Variants in AKAP13 observed in about 807,000 individuals in gnomAD.
AKAP13 encodes the protein A-kinase anchoring protein 13.
In AKAP13, 80 loss-of-function variants were observed where a neutral mutation model predicts 264.5. The ratio of observed to expected loss-of-function variants is 0.30; its 90% CI spans 0.25 to 0.36. The LOEUF (loss-of-function observed/expected upper bound fraction) is 0.36, where lower values mean the gene tolerates loss of function less well. AKAP13 is among the 10% of genes least tolerant of loss of function. AKAP13 has a pLI of 1.00. For synonymous variants in AKAP13, 1,380 were observed against 1,250.2 expected (o/e 1.10, Z -2.19); for missense variants, 3,712 against 3,435.2 (o/e 1.08, Z -2.01).
chr15:85,695,495 A>C (rs2085517414), intron 17 of AKAP13, among the ~76,000 whole-genome samples: 1 of 152,204 alleles, frequency 6.6e-6, no homozygotes, highest in East Asian at 1.9e-4. Context: ...GAAGAGGAGG[A>C]GTGGAGTTAC....
intron 1 of AKAP13, among the ~76,000 whole-genome samples, chr15:85,436,684 C>T (rs949458204): frequency 6.7e-6 from 1 of 148,282 alleles, no homozygotes; most frequent in African/African-American, 2.5e-5. Flanking sequence ...CGCTCAACTA[C>T]ATGGAAACTG....
chr15:85,684,605 T>C, intron 15 of AKAP13, 136 bp from the exon 16 acceptor site: 3 of 906,522 alleles, frequency 3.3e-6, no homozygotes, highest in East Asian at 2.7e-5. Context: ...AGCCAAGTTT[T>C]GATAACAGAA....
chr15:85,744,063 T>C (rs1413050916), intron 36 of AKAP13: 3 of 529,252 alleles, frequency 5.7e-6, no homozygotes, highest in Non-Finnish European at 9.9e-6. Context: ...TTCAAGGCAT[T>C]ATCCGATCGA....
intron 8 of AKAP13, among the ~76,000 whole-genome samples, chr15:85,595,732 T>C (rs2079794298): frequency 6.6e-6 from 1 of 152,194 alleles, no homozygotes; most frequent in Non-Finnish European, 1.5e-5. Flanking sequence ...ACTTTCACAA[T>C]ACGCTCAGCC....
At position 85,746,676 on chromosome 15, in the gene AKAP13, CT is replaced by C. The variant is rs1403961382; in HGVS notation, c.*2002del. 4 of 152,170 alleles carry C rather than the reference CT, an allele frequency of 2.6e-5. No homozygotes were observed. Among genetic ancestry groups the C allele is most frequent in the Non-Finnish European group, 5.9e-5 (4 of 68,036 alleles). 9.4% of individuals were successfully genotyped at this position (152,170 alleles called of 1,614,324 possible). A position where few individuals can be genotyped will look rare whatever the true frequency, so the allele number is the denominator to read the frequency against. ...CCTAAACAAAAAGTTAAGTTTCTTT[CT>C]TTCACCTATTTGTACAACTCCAAGT... On this transcript the variant is annotated 3_prime_UTR_variant, in exon 37 of 37. Transcript: ENST00000394518.
At position 85,582,656 on chromosome 15, in the gene AKAP13, TTG is replaced by T. The variant is rs374003681; in HGVS notation, c.4039+551_4039+552del. Among the ~76,000 whole-genome samples the T allele has an allele frequency of 7.9e-3, 1,179 of 149,948 alleles. 13 individuals are homozygous for T. Among genetic ancestry groups the T allele is most frequent in the African/African-American group, 0.027 (1,094 of 41,018 alleles). On this transcript the variant is annotated intron_variant, in intron 7 of 36. Coordinates refer to ENST00000394518, the MANE Select transcript of AKAP13 (RefSeq NM_007200.5). The stretch of plus-strand genomic sequence containing the variant: ...GTGGTATTAGGTCATTGGTGGTTTT[TTG>T]TTTGTTTGTTTTTGTTTTTTTTGGG...
At position 85,682,193 on chromosome 15, in the gene AKAP13, A is replaced by G; in HGVS notation, c.5137A>G (p.Ser1713Gly). Residue 1713 changes from serine (S) to glycine (G), a missense_variant, in exon 15 of 37, where the codon AGT becomes GGT. By Grantham distance (56) the Ser-to-Gly change is moderately conservative (BLOSUM62 0). Coordinates refer to ENST00000394518, the MANE Select transcript of AKAP13 (RefSeq NM_007200.5). ...CTTCCACAGTACCTTCCACAATACC[A>G]GTGCTAATCTGACTGAGAGGTACTA... ...RPFHSTFHNT[S>G]ANLTESITEE... 6.2e-7 allele frequency: 1 copy of G among 1,613,494 alleles called. No individual in the cohort carries two copies. Among genetic ancestry groups the G allele is most frequent in the Non-Finnish European group, 8.5e-7 (1 of 1,179,924 alleles).
intron 1 of AKAP13, among the ~76,000 whole-genome samples, chr15:85,427,483 C>T (rs761395012): frequency 6.6e-6 from 1 of 151,948 alleles, no homozygotes; most frequent in Admixed American, 6.5e-5. Flanking sequence ...GCAAGTCTAT[C>T]GACTCCTCTA....
In AKAP13 at chr15:85,436,805, C is replaced by T. The variant is rs973505772; in HGVS notation, c.-11-48905C>T. ...ACACAACATACCAGAATCTCTGGGA[C>T]GCATTCAAAGCAGTGTGTAGAGGGA... is the stretch of plus-strand genomic sequence containing the variant. On this transcript the variant is annotated intron_variant, in intron 1 of 36. Transcript: ENST00000394518. Among the ~76,000 whole-genome samples the T allele has an allele frequency of 2.6e-3, 397 of 151,952 alleles. 3 individuals are homozygous for T. Among genetic ancestry groups the T allele is most frequent in the South Asian group, 0.016 (76 of 4,780 alleles).
intron 17 of AKAP13, among the ~76,000 whole-genome samples, chr15:85,698,269 A>G (rs2085678355): frequency 1.3e-5 from 2 of 151,550 alleles, no homozygotes; most frequent in South Asian, 4.2e-4. Flanking sequence ...GGAGTTGGAA[A>G]CCAGCTGGCC....
In AKAP13 at chr15:85,724,814, C is replaced by T. The variant is rs1170014271; in HGVS notation, c.6745+1494C>T. Among the ~76,000 whole-genome samples the T allele has an allele frequency of 6.6e-6, 1 of 151,878 alleles. No homozygotes were observed. Among genetic ancestry groups the T allele is most frequent in the African/African-American group, 2.4e-5 (1 of 41,326 alleles). On this transcript the variant is annotated intron_variant, in intron 26 of 36. Coordinates refer to ENST00000394518, the MANE Select transcript of AKAP13 (RefSeq NM_007200.5). This position sits in a 1 kb window ranked among gnomAD's most constrained non-coding sequence, Gnocchi z 4.2. ...TTGGGGAAGAGCTCATCTGGGCCTGCATTGTAGCAGAAGGCATAAAAAAGA... is the reference window on the plus strand; with the variant it reads ...TTGGGGAAGAGCTCATCTGGGCCTGTATTGTAGCAGAAGGCATAAAAAAGA...
chr15:85,429,703 T>C (rs944773324), intron 1 of AKAP13, among the ~76,000 whole-genome samples: 1 of 152,148 alleles, frequency 6.6e-6, no homozygotes, highest in African/African-American at 2.4e-5. Context: ...TGCATAGTTA[T>C]AACAGGGAGG....
chr15:85,712,169 G>C (rs1361716840), intron 19 of AKAP13, among the ~76,000 whole-genome samples: 1 of 152,086 alleles, frequency 6.6e-6, no homozygotes, highest in Non-Finnish European at 1.5e-5. Flanking sequence ...AGGTGATTCT[G>C]ATGCCCACTC....
intron 1 of AKAP13, among the ~76,000 whole-genome samples, chr15:85,484,703 G>C (rs546814756): frequency 1.3e-5 from 2 of 152,192 alleles, no homozygotes; most frequent in African/African-American, 4.8e-5. Flanking sequence ...AGATGGTTCT[G>C]TTATTTGAGT....
intron 8 of AKAP13, among the ~76,000 whole-genome samples, chr15:85,601,128 G>A (rs935845220): frequency 3.3e-5 from 5 of 152,158 alleles, no homozygotes; most frequent in Admixed American, 6.5e-5. Flanking sequence ...GTATTAAAAT[G>A]TACATTAATG....
chr15:85,662,561 C>T (rs1339434076), intron 12 of AKAP13: 2 of 1,228,478 alleles, frequency 1.6e-6, no homozygotes, highest in African/African-American at 1.5e-5. Context: ...ATATGGGCAG[C>T]CTGCTTTGTC....
intron 1 of AKAP13, among the ~76,000 whole-genome samples, chr15:85,417,165 T>C (rs1427436249): frequency 2.6e-5 from 4 of 152,326 alleles, no homozygotes; most frequent in Non-Finnish European, 5.9e-5. Context: ...GATTGTTTGA[T>C]ATTAAGTTTT....
At chr15:85,743,443 C>T (rs563743117) in intron 35 of AKAP13, 49 bp from the exon 36 acceptor site, 76 of 1,562,812 alleles carry the variant, frequency 4.9e-5, no homozygotes, top group South Asian at 2.6e-4. Context: ...GTTGGCATCA[C>T]GGACGCTGAC....
chr15:85,567,145 G>A (rs1278928681), intron 5 of AKAP13, among the ~76,000 whole-genome samples: 2 of 152,040 alleles, frequency 1.3e-5, no homozygotes, highest in Non-Finnish European at 2.9e-5. Context: ...GTCTCGCTCT[G>A]TTGCCAGGCT....
Sources: gnomAD v4.1 joint callset for allele counts (sites outside exome capture counted in the v4.1 genomes callset) on GRCh38, gnomAD v4.1.1 for gene constraint, Gnocchi (gnomAD v3.1) non-coding constraint, MANE v1.5 for transcripts, NCBI Gene and HGNC (gene_info 2026-07-23, HGNC 2026-07-21) for gene names.